CTPS2: variants seen among roughly 807,000 people sequenced by gnomAD.
CTPS2 encodes CTP synthase 2.
CTPS2 carries 19 observed loss-of-function variants against 46.8 expected under a neutral mutation model. That is an observed-to-expected ratio of 0.41 (90% CI 0.28 to 0.60). The LOEUF is 0.60. Among genes scored for constraint, CTPS2 ranks in the 20% least tolerant of loss-of-function variants. The pLI is 0.35. For missense variants in CTPS2, 286 were observed against 447.6 expected, an observed-to-expected ratio of 0.64 and a Z score of 3.26; for synonymous variants, 151 against 165.2, an observed-to-expected ratio of 0.91 and a Z score of 0.66.
intron 10 of CTPS2, among the ~76,000 whole-genome samples, chrX:16,673,087 C>G (rs1261686641): frequency 9.4e-6 from 1 of 106,677 alleles, no homozygotes; most frequent in Admixed American, 1.0e-4. Context: ...GGGGTTTCAC[C>G]GTTTTAGCCG....
intron 14 of CTPS2, among the ~76,000 whole-genome samples, chrX:16,632,046 C>A (rs1318634388): frequency 1.8e-5 from 2 of 111,885 alleles, no homozygotes; most frequent in African/African-American, 6.5e-5. Flanking sequence ...TGTGCCACTT[C>A]TCCCTGCTTT....
At chrX:16,591,331 A>C (rs113203443) in intron 17 of CTPS2, among the ~76,000 whole-genome samples, 2,819 of 111,425 alleles carry the variant, frequency 0.025, 96 homozygotes, top group African/African-American at 0.087. Flanking sequence ...CATACTAGGG[A>C]CTAAACCTCA....
rs1410823113 is a variant in CTPS2 at position 16,589,448 on chromosome X, C to A, written c.*369G>T. 2 of 112,431 alleles carry A rather than the reference C, an allele frequency of 1.8e-5. No individual in the cohort carries two copies. Among genetic ancestry groups the A allele is most frequent in the African/African-American group, 6.5e-5 (2 of 30,964 alleles). 9.3% of individuals were successfully genotyped at this position (112,431 alleles called of 1,213,427 possible). A position where few individuals can be genotyped will look rare whatever the true frequency, so the allele number is the denominator to read the frequency against. ...TTACTTACAGCATGTTCCCTGCCAT[C>A]CTTTCCATACAACACAGCAAAGGCA... On this transcript the variant is annotated 3_prime_UTR_variant, in exon 19 of 19. Transcript: ENST00000359276.
intron 10 of CTPS2, among the ~76,000 whole-genome samples, chrX:16,670,981 T>G (rs1921699001): frequency 8.9e-6 from 1 of 111,953 alleles, no homozygotes; most frequent in Non-Finnish European, 1.9e-5. Context: ...AGAAACTGAA[T>G]GAAAATAGGT....
chrX:16,705,237 T>C (rs932766128), intron 1 of CTPS2, among the ~76,000 whole-genome samples: 1 of 111,657 alleles, frequency 9.0e-6, no homozygotes. Context: ...AAATAAAAAC[T>C]GTTTTTAAAT....
intron 8 of CTPS2, among the ~76,000 whole-genome samples, chrX:16,689,010 G>C (rs1923474358): frequency 9.0e-6 from 1 of 110,783 alleles, no homozygotes; most frequent in Non-Finnish European, 1.9e-5. Flanking sequence ...GAAGTGGGAG[G>C]ATGACTTGAG....
intron 4 of CTPS2, among the ~76,000 whole-genome samples, chrX:16,694,911 C>T (rs1294838253): frequency 9.0e-6 from 1 of 111,448 alleles, no homozygotes; most frequent in Non-Finnish European, 1.9e-5. Flanking sequence ...GGGAGGATCG[C>T]TTGAGCCTGG....
chrX:16,658,543 AGGAG>A (rs1462783682), intron 13 of CTPS2, among the ~76,000 whole-genome samples: 1 of 112,242 alleles, frequency 8.9e-6, no homozygotes, highest in Non-Finnish European at 1.9e-5. Context: ...TGATTTCCTT[AGGAG>A]AATTTCTGAG....
intron 13 of CTPS2, among the ~76,000 whole-genome samples, chrX:16,658,991 T>C (rs897015155): frequency 8.9e-6 from 1 of 112,274 alleles, no homozygotes; most frequent in Non-Finnish European, 1.9e-5. Flanking sequence ...TCAGTCATGA[T>C]CATTCTTTAA....
chrX:16,678,580 G>A (rs1402895461), intron 9 of CTPS2, 130 bp from the exon 10 acceptor site: 1 of 460,224 alleles, frequency 2.2e-6, no homozygotes, highest in Non-Finnish European at 3.8e-6. Flanking sequence ...GGGCACTAGG[G>A]ATAGAAAAAC....
At chrX:16,627,587 G>T (rs1218061646) in intron 14 of CTPS2, among the ~76,000 whole-genome samples, 1 of 111,340 alleles carries the variant, frequency 9.0e-6, no homozygotes, top group Non-Finnish European at 1.9e-5. Context: ...ACTCCTTACT[G>T]CCTCTCTAAC....
chrX:16,690,187 A>G (rs1206907959), intron 7 of CTPS2, among the ~76,000 whole-genome samples: 1 of 110,347 alleles, frequency 9.1e-6, no homozygotes, highest in Non-Finnish European at 1.9e-5. Flanking sequence ...CCTGGCCAAC[A>G]TGGTGAAACC....
intron 11 of CTPS2, 44 bp from the exon 12 acceptor site, chrX:16,667,768 T>C: frequency 8.9e-7 from 1 of 1,117,739 alleles, no homozygotes; most frequent in Non-Finnish European, 1.2e-6. Flanking sequence ...ACTCACTTTG[T>C]ATTTGTTCAC....
intron 10 of CTPS2, among the ~76,000 whole-genome samples, chrX:16,674,519 G>A (rs1226104584): frequency 1.8e-5 from 2 of 111,511 alleles, no homozygotes; most frequent in East Asian, 5.7e-4. Context: ...AGTTGTAGAA[G>A]GTTTGTGAAG....
rs367875778 is a variant in CTPS2 at position 16,698,359 on chromosome X, A to G, written c.338-23T>C. 32 of 1,055,989 alleles carry G rather than the reference A, an allele frequency of 3.0e-5. No homozygotes were observed. In the African/African-American group the frequency reaches 3.9e-4, roughly 13 times the overall value. 87.0% of individuals were successfully genotyped at this position (1,055,989 alleles called of 1,213,427 possible). A position where few individuals can be genotyped will look rare whatever the true frequency, so the allele number is the denominator to read the frequency against. ...CAACTGTAGAAAGAAGTATTAATAC[A>G]AAAGTTTATTCCATGCTCATGAGAA... On this transcript the variant is annotated intron_variant, in intron 3 of 18. Transcript: ENST00000359276.
Position 16,605,396 on chromosome X carries a change from G to A in CTPS2, c.1691+4145C>T, listed in dbSNP as rs190853437. On this transcript the variant is annotated intron_variant, in intron 17 of 18. Transcript: ENST00000359276. The stretch of plus-strand genomic sequence containing the variant: ...ACTTATCTTTCCCATTACTGATCTT[G>A]CTGTGCATGTTTACTTTGCCACCAT... Among the ~76,000 whole-genome samples the A allele has an allele frequency of 1.3e-4, 15 of 111,529 alleles. No individual in the cohort carries two copies. The East Asian group carries it at 2.8e-3, about 21-fold the overall frequency.
intron 1 of CTPS2, among the ~76,000 whole-genome samples, chrX:16,705,776 G>T (rs1924948787): frequency 9.0e-6 from 1 of 110,792 alleles, no homozygotes; most frequent in Non-Finnish European, 1.9e-5. Flanking sequence ...CAGCCTGTGG[G>T]ATGGCCCCTT....
intron 1 of CTPS2, among the ~76,000 whole-genome samples, chrX:16,710,868 C>T (rs772516088): frequency 8.9e-6 from 1 of 112,283 alleles, no homozygotes; most frequent in East Asian, 2.8e-4. Context: ...CCGCCCACCT[C>T]GGCCTCCCAA....
chrX:16,672,989 C>T (rs1417534851), intron 10 of CTPS2, among the ~76,000 whole-genome samples: 1 of 100,638 alleles, frequency 9.9e-6, no homozygotes, highest in Non-Finnish European at 2.0e-5. Flanking sequence ...CGGGTTCATG[C>T]CATTCTCCTG....
Sources: gnomAD v4.1 joint callset for allele counts (sites outside exome capture counted in the v4.1 genomes callset) on GRCh38, gnomAD v4.1.1 for gene constraint, MANE v1.5 for transcripts, NCBI Gene and HGNC (gene_info 2026-07-23, HGNC 2026-07-21) for gene names.